The following CDH4 variants were observed in gnomAD, a reference collection of about 807,000 sequenced individuals.
The protein encoded by CDH4 is cadherin 4.
A neutral mutation model predicts 86.0 loss-of-function variants in CDH4; 33 were observed. The observed-to-expected ratio is 0.38, with a 90% CI of 0.29 to 0.51. The LOEUF is 0.51. Ranked by LOEUF, CDH4 falls within the 20% of genes least tolerant of loss-of-function variation. CDH4 has a pLI of 0.86. For missense variants in CDH4, 1,114 were observed against 1,307.4 expected (o/e 0.85, Z 2.28); for synonymous variants, 555 against 549.4 (o/e 1.01, Z -0.14).
rs573755507 is a variant in CDH4, at chr20:61,642,486, C to G, written c.170-101077C>G. Among the ~76,000 whole-genome samples, 4 of 152,270 alleles carry G rather than the reference C, an allele frequency of 2.6e-5. No individual in the cohort carries two copies. The East Asian group carries it at 7.7e-4, about 29-fold the overall frequency. On this transcript the variant is annotated intron_variant, in intron 2 of 15. Coordinates refer to ENST00000614565, the MANE Select transcript of CDH4 (RefSeq NM_001794.5). ...ATCAAAGATGAGAACAGAGAGGTGG[C>G]CAGAGCCAGGTTGTATCTGCAGGCG...
Position 61,544,071 on chromosome 20 carries a change from G to A in CDH4, c.170-199492G>A, listed in dbSNP as rs1196636668. Among the ~76,000 whole-genome samples, 1 of 152,000 alleles carries A rather than the reference G, an allele frequency of 6.6e-6. No homozygotes were observed. The highest frequency in any genetic ancestry group is 2.4e-5 in the African/African-American group (1 of 41,400). The stretch of plus-strand genomic sequence containing the variant: ...CCCCACACCTGGCTCTTGGCACTAA[G>A]GTCCTTGGAGGCTGCCCCACGCCCC... On this transcript the variant is annotated intron_variant, in intron 2 of 15. Transcript: ENST00000614565. This position sits in a 1 kb window ranked among gnomAD's most constrained non-coding sequence, Gnocchi z 6.5.
chr20:61,456,258 G>T (rs1402530678), intron 2 of CDH4, among the ~76,000 whole-genome samples: 1 of 152,194 alleles, frequency 6.6e-6, no homozygotes, highest in Admixed American at 6.5e-5. Context: ...GGCACAATGG[G>T]CCTCTCCACT....
chr20:61,837,677 C>G (rs1303751995), intron 4 of CDH4, among the ~76,000 whole-genome samples: 2 of 152,060 alleles, frequency 1.3e-5, no homozygotes, highest in Non-Finnish European at 2.9e-5. Context: ...AACTGTGATT[C>G]CCAGGGACAG....
intron 2 of CDH4, among the ~76,000 whole-genome samples, chr20:61,571,520 G>A (rs998964438): frequency 2.0e-5 from 3 of 152,144 alleles, no homozygotes; most frequent in Non-Finnish European, 2.9e-5. Flanking sequence ...GGCAAACCCT[G>A]TCCCCAAAAC....
intron 2 of CDH4, among the ~76,000 whole-genome samples, chr20:61,603,614 C>T (rs1365976781): frequency 1.3e-5 from 2 of 152,176 alleles, no homozygotes; most frequent in African/African-American, 4.8e-5. Flanking sequence ...CCCATTGTCC[C>T]CTTCACTCCA....
intron 2 of CDH4, among the ~76,000 whole-genome samples, chr20:61,263,672 T>C (rs60941525): frequency 0.29 from 44,443 of 152,094 alleles, 7,068 homozygotes; most frequent in African/African-American, 0.43. Context: ...AATCCCCACA[T>C]ATGTAGCAGC....
intron 2 of CDH4, among the ~76,000 whole-genome samples, chr20:61,375,390 C>G (rs1405338285): frequency 6.8e-6 from 1 of 147,004 alleles, no homozygotes; most frequent in Non-Finnish European, 1.5e-5. Context: ...TTGTGGTGAT[C>G]ATGGTGATCA....
chr20:61,714,566 TCCCC>T (rs1212862036), intron 2 of CDH4, among the ~76,000 whole-genome samples: 1 of 152,102 alleles, frequency 6.6e-6, no homozygotes, highest in Non-Finnish European at 1.5e-5. Context: ...CCTCCCACAC[TCCCC>T]TCTTCTGGGT....
intron 2 of CDH4, among the ~76,000 whole-genome samples, chr20:61,439,036 C>G (rs1568845225): frequency 1.3e-5 from 2 of 152,208 alleles, no homozygotes; most frequent in African/African-American, 4.8e-5. Context: ...ATTTTTCCCC[C>G]CAAGCCTAGC....
intron 2 of CDH4, among the ~76,000 whole-genome samples, chr20:61,710,332 C>T (rs1389942987): frequency 6.6e-6 from 1 of 152,198 alleles, no homozygotes; most frequent in African/African-American, 2.4e-5. Context: ...CCGATTGGTT[C>T]TCTGGGCCCC....
chr20:61,695,576 G>A (rs866194551), intron 2 of CDH4, among the ~76,000 whole-genome samples: 18 of 152,260 alleles, frequency 1.2e-4, no homozygotes, highest in East Asian at 3.9e-4. Context: ...CCATCAGCTC[G>A]GGACCTTGTG....
chr20:61,302,463 G>A (rs961675760), intron 2 of CDH4, among the ~76,000 whole-genome samples: 2 of 151,288 alleles, frequency 1.3e-5, no homozygotes, highest in Admixed American at 1.3e-4. Flanking sequence ...GATGTTTCCT[G>A]TATGTGTTTC....
intron 2 of CDH4, among the ~76,000 whole-genome samples, chr20:61,321,839 C>T (rs1010998456): frequency 6.6e-6 from 1 of 152,162 alleles, no homozygotes; most frequent in African/African-American, 2.4e-5. Context: ...GCCAAAGACG[C>T]TCACCTCATG....
rs1984207781 is a variant in CDH4, at chr20:61,879,947, G to A, written c.1050+6047G>A. Reference sequence around the variant, plus strand: ...TGAAATTTCTTCCCAAACAAGGGGGGCCGAATTCGTGATCTCCTGGTCTGA... The same window carrying A: ...TGAAATTTCTTCCCAAACAAGGGGGACCGAATTCGTGATCTCCTGGTCTGA... On this transcript the variant is annotated intron_variant, in intron 7 of 15. Coordinates refer to ENST00000614565, the MANE Select transcript of CDH4 (RefSeq NM_001794.5). The surrounding 1 kb of genome is among the most constrained non-coding windows in gnomAD (Gnocchi z 4.1). Among the ~76,000 whole-genome samples the A allele has an allele frequency of 6.6e-6, 1 of 152,122 alleles. No homozygotes were observed. The highest frequency in any genetic ancestry group is 6.5e-5 in the Admixed American group (1 of 15,278).
At chr20:61,358,121 TG>T (rs1205667159) in intron 2 of CDH4, among the ~76,000 whole-genome samples, 1 of 152,236 alleles carries the variant, frequency 6.6e-6, no homozygotes, top group Non-Finnish European at 1.5e-5. Context: ...TTCTTCTGCC[TG>T]GATATGGGTA....
chr20:61,306,379 C>A (rs151054446), intron 2 of CDH4, among the ~76,000 whole-genome samples: 49 of 152,112 alleles, frequency 3.2e-4, no homozygotes, highest in African/African-American at 1.1e-3. Flanking sequence ...GCTCTGTCAC[C>A]CAGGCTGGAG....
chr20:61,397,981 G>A (rs900131287), intron 2 of CDH4, among the ~76,000 whole-genome samples: 2 of 152,226 alleles, frequency 1.3e-5, no homozygotes, highest in Non-Finnish European at 2.9e-5. Flanking sequence ...AGCAGGACAA[G>A]GCTGACCGCA....
At chr20:61,288,667 G>A (rs1459523055) in intron 2 of CDH4, among the ~76,000 whole-genome samples, 5 of 152,340 alleles carry the variant, frequency 3.3e-5, no homozygotes, top group African/African-American at 7.2e-5. Context: ...GAGCATTACC[G>A]TCAGAAGCAC....
intron 2 of CDH4, among the ~76,000 whole-genome samples, chr20:61,706,129 G>A (rs116930545): frequency 3.9e-5 from 6 of 152,194 alleles, no homozygotes; most frequent in African/African-American, 1.4e-4. Context: ...AGGAACAGCC[G>A]GCCCGACGCC....
Sources: gnomAD v4.1 joint callset for allele counts (sites outside exome capture counted in the v4.1 genomes callset) on GRCh38, gnomAD v4.1.1 for gene constraint, Gnocchi (gnomAD v3.1) non-coding constraint, MANE v1.5 for transcripts, NCBI Gene and HGNC (gene_info 2026-07-23, HGNC 2026-07-21) for gene names.